The following LMTK2 variants were observed in gnomAD, a reference collection of about 807,000 sequenced individuals.
LMTK2 encodes the protein lemur tail kinase 2, also known as serine/threonine-protein kinase LMTK2.
Under a neutral mutation model 127.5 loss-of-function variants are expected in LMTK2, and 37 were observed. The ratio of observed to expected loss-of-function variants is 0.29; its 90% confidence interval spans 0.22 to 0.38. The LOEUF is 0.38. Ranked by LOEUF, LMTK2 falls within the 10% of genes least tolerant of loss-of-function variation. The probability of loss-of-function intolerance (pLI) is 1.00; values close to 1 mark genes in which losing one functional copy is unlikely to be tolerated. For synonymous variants in LMTK2, 819 were observed against 810.1 expected (o/e 1.01, Z -0.19); for missense variants, 1,694 against 1,920.3 (o/e 0.88, Z 2.20).
At chr7:98,150,073 G>T (rs1301878747) in intron 3 of LMTK2, among the ~76,000 whole-genome samples, 1 of 152,078 alleles carries the variant, frequency 6.6e-6, no homozygotes, top group Non-Finnish European at 1.5e-5. Context: ...ACTTTGGGAG[G>T]CCGAGGCGGG....
At chr7:98,188,230 G>T (rs540423076) in intron 9 of LMTK2, among the ~76,000 whole-genome samples, 1 of 151,730 alleles carries the variant, frequency 6.6e-6, no homozygotes, top group East Asian at 1.9e-4. Flanking sequence ...TATCTTCCAC[G>T]AGTGATGAGG....
At chr7:98,114,658 C>T (rs960996531) in intron 1 of LMTK2, among the ~76,000 whole-genome samples, 1 of 152,230 alleles carries the variant, frequency 6.6e-6, no homozygotes, top group East Asian at 1.9e-4. Context: ...GGGAGACGGT[C>T]GCATCGGGGT....
At chr7:98,160,421 C>A (rs1308757506) in intron 6 of LMTK2, among the ~76,000 whole-genome samples, 2 of 152,188 alleles carry the variant, frequency 1.3e-5, no homozygotes, top group African/African-American at 4.8e-5. Context: ...TAGTTACCCT[C>A]AAATATCTGT....
intron 1 of LMTK2, among the ~76,000 whole-genome samples, chr7:98,111,269 T>A (rs1008475079): frequency 6.6e-6 from 1 of 152,240 alleles, no homozygotes; most frequent in Non-Finnish European, 1.5e-5. Flanking sequence ...CTCTGGCCCC[T>A]GTGTATTGTG....
Position 98,187,185 on chromosome 7 carries a change from G to A in LMTK2, c.998+187G>A, listed in dbSNP as rs553035794. On this transcript the variant is annotated intron_variant, in intron 9 of 13. Transcript: ENST00000297293. ...TCACAATTGTGGTGATGGAGTTAAC[G>A]TTTTGAATACTGCCCCTGCTACCCA... is the stretch of plus-strand genomic sequence containing the variant. 4.3e-4 allele frequency among the ~76,000 whole-genome samples: 65 copies of A among 152,308 alleles called. 1 individual carries two copies. In the South Asian group the frequency reaches 0.01, roughly 24 times the overall value.
chr7:98,120,379 T>C (rs1351911019), intron 1 of LMTK2, among the ~76,000 whole-genome samples: 1 of 152,188 alleles, frequency 6.6e-6, no homozygotes, highest in Non-Finnish European at 1.5e-5. Flanking sequence ...AATTGCAACC[T>C]TTAATTATAG....
Position 98,207,528 on chromosome 7 carries a change from A to G in LMTK2, c.*2036A>G, listed in dbSNP as rs1797826588. 1 of 149,338 alleles carries G rather than the reference A, an allele frequency of 6.7e-6. No homozygotes were observed. The highest frequency in any genetic ancestry group is 1.5e-5 in the Non-Finnish European group (1 of 66,984). The allele number at this position is 149,338 out of a possible 1,614,324, so 9.3% of individuals were successfully genotyped here. Reference sequence around the variant, plus strand: ...AATTTTTTTTTTTTTTTTAATTAACAGGGCATTAGAAGATGATTTTGCCAA... The same window carrying G: ...AATTTTTTTTTTTTTTTTAATTAACGGGGCATTAGAAGATGATTTTGCCAA... On this transcript the variant is annotated 3_prime_UTR_variant, in exon 14 of 14. Transcript: ENST00000297293.
At chr7:98,197,799 G>A (rs898941632) in intron 11 of LMTK2, among the ~76,000 whole-genome samples, 6 of 152,206 alleles carry the variant, frequency 3.9e-5, no homozygotes, top group African/African-American at 1.4e-4. Context: ...CTATGATTGT[G>A]TCACTGCACT....
chr7:98,186,265 G>T (rs1349853939), intron 8 of LMTK2, among the ~76,000 whole-genome samples: 8 of 152,090 alleles, frequency 5.3e-5, no homozygotes, highest in African/African-American at 1.4e-4. Context: ...GTTTCACCCT[G>T]TTGGCCAGGC....
rs1309729868 is a variant in LMTK2 at position 98,205,592 on chromosome 7, C to T, written c.*100C>T. On this transcript the variant is annotated 3_prime_UTR_variant, in exon 14 of 14. Transcript: ENST00000297293. ...GCGACATCCACTCGCCATTTGCTGA[C>T]ATGAGATTGGGAGGAAGAATCCAGA... 2.4e-6 allele frequency: 3 copies of T among 1,274,792 alleles called. No homozygotes were observed. The highest frequency in any genetic ancestry group is 1.2e-5 in the South Asian group (1 of 81,750). The allele number at this position is 1,274,792 out of a possible 1,614,324, so 79.0% of individuals were successfully genotyped here. A position where few individuals can be genotyped will look rare whatever the true frequency, so the allele number is the denominator to read the frequency against.
chr7:98,128,189 T>G (rs76730860), intron 1 of LMTK2, among the ~76,000 whole-genome samples: 1 of 152,088 alleles, frequency 6.6e-6, no homozygotes. Flanking sequence ...GTGAAAAGAT[T>G]AGTAAATTGA....
At position 98,171,879 on chromosome 7, in the gene LMTK2, T is replaced by C. The variant is rs1797197940; in HGVS notation, c.791+205T>C. On this transcript the variant is annotated intron_variant, in intron 7 of 13. Coordinates refer to ENST00000297293, the MANE Select transcript of LMTK2 (RefSeq NM_014916.4). This position sits in a 1 kb window ranked among gnomAD's most constrained non-coding sequence, Gnocchi z 5.1. ...AACCAGTACCAGGGAATAAGATGTC[T>C]TAATACATTTATTATTTCCAGCATT... 6.6e-6 allele frequency among the ~76,000 whole-genome samples: 1 copy of C among 152,234 alleles called. No individual in the cohort carries two copies. The highest frequency in any genetic ancestry group is 2.4e-5 in the African/African-American group (1 of 41,454).
At chr7:98,179,865 G>GC (rs1462510406) in intron 7 of LMTK2, among the ~76,000 whole-genome samples, 3 of 152,194 alleles carry the variant, frequency 2.0e-5, no homozygotes, top group Non-Finnish European at 1.5e-5. Flanking sequence ...TTGAGGACCA[G>GC]CTGCGTGCTT....
chr7:98,167,710 G>C (rs1797122047), intron 6 of LMTK2, among the ~76,000 whole-genome samples: 1 of 152,200 alleles, frequency 6.6e-6, no homozygotes, highest in Non-Finnish European at 1.5e-5. Flanking sequence ...GGAGATGAGG[G>C]GCTGGGCCAG....
chr7:98,168,461 C>T (rs868801240), intron 6 of LMTK2, among the ~76,000 whole-genome samples: 5 of 152,320 alleles, frequency 3.3e-5, no homozygotes, highest in African/African-American at 9.6e-5. Flanking sequence ...TTAGCAGAAG[C>T]GGGGGTGTTG....
intron 7 of LMTK2, among the ~76,000 whole-genome samples, chr7:98,180,815 T>A (rs992354537): frequency 2.6e-5 from 4 of 152,150 alleles, no homozygotes; most frequent in Non-Finnish European, 5.9e-5. Context: ...GTAAAAAAAA[T>A]TCACCAATTT....
intron 7 of LMTK2, 139 bp from the exon 8 acceptor site, chr7:98,184,912 T>C: frequency 1.7e-6 from 1 of 575,156 alleles, no homozygotes; most frequent in East Asian, 2.8e-5. Flanking sequence ...GAAAAAGAAT[T>C]TTGAGAGGTT....
rs1343641286 is a variant in LMTK2, at chr7:98,107,169, G to A, written c.-9G>A. 2.1e-6 allele frequency: 3 copies of A among 1,436,906 alleles called. No individual in the cohort carries two copies. Among genetic ancestry groups the A allele is most frequent in the South Asian group, 2.8e-5 (2 of 71,980 alleles). The allele number at this position is 1,436,906 out of a possible 1,614,324, so 89.0% of individuals were successfully genotyped here. Reference sequence around the variant, plus strand: ...CGAGGGCCGGCCCCGGAGCCGCGCCGTGGGCGAGATGCCGGGGCCGCCGGC... The same window carrying A: ...CGAGGGCCGGCCCCGGAGCCGCGCCATGGGCGAGATGCCGGGGCCGCCGGC... On this transcript the variant is annotated 5_prime_UTR_variant, in exon 1 of 14. The change creates a new upstream start codon in the 5' untranslated region. Transcript: ENST00000297293.
chr7:98,143,986 T>C (rs1337504543), intron 3 of LMTK2, among the ~76,000 whole-genome samples: 3 of 152,250 alleles, frequency 2.0e-5, no homozygotes, highest in African/African-American at 7.2e-5. Flanking sequence ...ACGAAAGATA[T>C]TTGTGATATA....
Sources: allele counts gnomAD v4.1 joint callset (sites outside exome capture counted in the v4.1 genomes callset), GRCh38; gene constraint gnomAD v4.1.1; non-coding constraint Gnocchi (gnomAD v3.1); transcripts MANE v1.5; gene names NCBI Gene and HGNC (gene_info 2026-07-23, HGNC 2026-07-21).